Variants in EML6 observed in about 807,000 individuals in gnomAD.
EML6 encodes the protein EMAP like 6.
In EML6, 154 loss-of-function variants were observed where a neutral mutation model predicts 240.1. The observed-to-expected ratio is 0.64, with a 90% CI of 0.56 to 0.73. The LOEUF (loss-of-function observed/expected upper bound fraction) is 0.73. Ranked by LOEUF, EML6 falls within the 30% of genes least tolerant of loss-of-function variation. The pLI, the probability that EML6 is intolerant of heterozygous loss-of-function variation, is 0.00. For missense variants in EML6, 2,964 were observed against 2,474.6 expected, an observed-to-expected ratio of 1.20 and a Z score of -4.20; for synonymous variants, 1,148 against 899.0, an observed-to-expected ratio of 1.28 and a Z score of -4.95.
intron 2 of EML6, among the ~76,000 whole-genome samples, chr2:54,804,352 G>C (rs1670352232): frequency 1.3e-5 from 2 of 152,214 alleles, no homozygotes; most frequent in East Asian, 1.9e-4. Context: ...ACTAGCTCCA[G>C]AAAGCTGGAT....
Position 54,970,158 on chromosome 2 carries a change from G to A in EML6, c.*63G>A. The A allele has an allele frequency of 6.6e-7, 1 of 1,510,580 alleles. No homozygotes were observed. 93.6% of individuals were successfully genotyped at this position (1,510,580 alleles called of 1,614,324 possible). ...ACCAGCCAGCAACTGCAGAGGCCAT[G>A]CTGAGGTGCCTCCTTGCCACCAGCC... On this transcript the variant is annotated 3_prime_UTR_variant, in exon 42 of 42. Transcript: ENST00000356458.
At chr2:54,918,615 G>C (rs1270542578) in intron 26 of EML6, among the ~76,000 whole-genome samples, 1 of 152,046 alleles carries the variant, frequency 6.6e-6, no homozygotes, top group East Asian at 1.9e-4. Context: ...CCAAAGTATT[G>C]GAATTATAAT....
chr2:54,932,377 T>C (rs1674909101), intron 28 of EML6, among the ~76,000 whole-genome samples: 1 of 152,218 alleles, frequency 6.6e-6, no homozygotes, highest in Non-Finnish European at 1.5e-5. Context: ...TGGGAATCCA[T>C]GCTTTCACTC....
intron 7 of EML6, among the ~76,000 whole-genome samples, chr2:54,838,553 C>T (rs1434824023): frequency 6.6e-6 from 1 of 152,144 alleles, no homozygotes. Flanking sequence ...GTAATGAGGT[C>T]TGATTTGATA....
intron 10 of EML6, among the ~76,000 whole-genome samples, chr2:54,851,903 G>A (rs1009973408): frequency 7.2e-5 from 11 of 152,142 alleles, no homozygotes; most frequent in African/African-American, 1.9e-4. Flanking sequence ...TACTCCCATC[G>A]TAACACAGAT....
intron 2 of EML6, among the ~76,000 whole-genome samples, chr2:54,736,454 C>T (rs1276114508): frequency 6.6e-6 from 1 of 152,178 alleles, no homozygotes; most frequent in African/African-American, 2.4e-5. Flanking sequence ...TTCTGGGCCT[C>T]GGTTTCCTCA....
intron 13 of EML6, among the ~76,000 whole-genome samples, chr2:54,864,216 T>A (rs1020929061): frequency 6.6e-6 from 1 of 152,238 alleles, no homozygotes; most frequent in East Asian, 1.9e-4. Context: ...TTTTTCACTT[T>A]CTTAGCAGAT....
At chr2:54,843,359 G>T (rs186265982) in intron 7 of EML6, among the ~76,000 whole-genome samples, 61 of 152,238 alleles carry the variant, frequency 4.0e-4, no homozygotes, top group Admixed American at 2.9e-3. Context: ...AGCCCCGGAA[G>T]TCGAGGCTTC....
Position 54,968,118 on chromosome 2 carries a change from G to T in EML6, c.5598-10G>T. 1 of 1,550,588 alleles carries T rather than the reference G, an allele frequency of 6.4e-7. No homozygotes were observed. Among genetic ancestry groups the T allele is most frequent in the Non-Finnish European group, 8.7e-7 (1 of 1,146,970 alleles). ...TCCTTCTATCCTAACCCCTCTTTCT[G>T]TTGGAACAGCGTCCTGGGAGATGAA... On this transcript the variant is annotated splice_polypyrimidine_tract_variant and intron_variant, in intron 39 of 41. Coordinates refer to ENST00000356458, the MANE Select transcript of EML6 (RefSeq NM_001039753.4).
At chr2:54,866,085 C>G (rs879316636) in intron 13 of EML6, among the ~76,000 whole-genome samples, 1 of 152,070 alleles carries the variant, frequency 6.6e-6, no homozygotes, top group Non-Finnish European at 1.5e-5. Flanking sequence ...TGATCAAATC[C>G]TAAACAGGGG....
In EML6 at chr2:54,964,639, C is replaced by G; in HGVS notation, c.5399C>G (p.Thr1800Ser). 1 of 1,552,404 alleles carries G rather than the reference C, an allele frequency of 6.4e-7. No individual in the cohort carries two copies. Among genetic ancestry groups the G allele is most frequent in the Non-Finnish European group, 8.7e-7 (1 of 1,147,120 alleles). ...SEHTVDFYDL[T>S]QGTNLNRIGY... ...CACACAGTTGACTTCTATGACCTCA[C>G]TCAGGGCACAAATCTGAACCGCATT... The change falls in exon 38 of 42, where the codon ACT becomes AGT. Residue 1800 changes from threonine (T) to serine (S), a missense_variant. By Grantham distance (58) the Thr-to-Ser change is moderately conservative. Transcript: ENST00000356458.
chr2:54,953,252 T>C (rs1282728038), intron 31 of EML6, among the ~76,000 whole-genome samples: 1 of 152,220 alleles, frequency 6.6e-6, no homozygotes, highest in Non-Finnish European at 1.5e-5. Context: ...TTAGCTATTG[T>C]TTTCCCTTGA....
intron 7 of EML6, among the ~76,000 whole-genome samples, chr2:54,842,746 C>A (rs1193011883): frequency 1.3e-5 from 2 of 152,148 alleles, no homozygotes; most frequent in Non-Finnish European, 2.9e-5. Context: ...TGCAAAAAAT[C>A]CAAGATACTG....
intron 24 of EML6, among the ~76,000 whole-genome samples, chr2:54,907,132 G>A (rs1157020507): frequency 6.6e-6 from 1 of 152,192 alleles, no homozygotes; most frequent in Non-Finnish European, 1.5e-5. Flanking sequence ...AAAATGTATG[G>A]AGGGAGAGAA....
chr2:54,837,115 C>T lies in EML6; in HGVS notation c.848-6932C>T, dbSNP rs1572976858. On this transcript the variant is annotated intron_variant, in intron 7 of 41. Transcript: ENST00000356458. The stretch of plus-strand genomic sequence containing the variant: ...CTCTCTTGTTCTTATTACCTTTTAA[C>T]CTCTTGCACTCAAGGCATTCCCTGG... Among the ~76,000 whole-genome samples, 5 of 152,204 alleles carry T rather than the reference C, an allele frequency of 3.3e-5. No homozygotes were observed. The South Asian group carries it at 1.0e-3, about 32-fold the overall frequency.
intron 18 of EML6, among the ~76,000 whole-genome samples, chr2:54,891,457 A>C (rs769656903): frequency 4.6e-5 from 7 of 152,150 alleles, no homozygotes; most frequent in Non-Finnish European, 1.0e-4. Context: ...CACAGGAAAT[A>C]AAATAATCAT....
At chr2:54,968,809 GCCA>G in intron 41 of EML6, 41 bp downstream of exon 41, 1 of 1,132,604 alleles carries the variant, frequency 8.8e-7, no homozygotes, top group Non-Finnish European at 1.3e-6. Context: ...CACAGGCCTG[GCCA>G]GCTCTCCCTC....
rs1233412000 is a variant in EML6, at chr2:54,903,369, A to G, written c.3278-2A>G. 3.9e-6 allele frequency: 6 copies of G among 1,550,786 alleles called. No individual in the cohort carries two copies. The highest frequency in any genetic ancestry group is 5.2e-6 in the Non-Finnish European group (6 of 1,146,748). On this transcript the variant is annotated splice_acceptor_variant, in intron 23 of 41. Transcript: ENST00000356458. LOFTEE classifies it high-confidence loss of function. ...ATGTTAACCCCACATTTTTCTTAACAGATACGGGAAAATACCTTGCCGTGG... is the reference window on the plus strand; with the variant it reads ...ATGTTAACCCCACATTTTTCTTAACGGATACGGGAAAATACCTTGCCGTGG...
chr2:54,766,255 G>A (rs1668184138), intron 2 of EML6, among the ~76,000 whole-genome samples: 1 of 152,042 alleles, frequency 6.6e-6, no homozygotes, highest in South Asian at 2.1e-4. Flanking sequence ...TAATATTTTG[G>A]CAATTGTCCC....
Sources: allele counts gnomAD v4.1 joint callset (sites outside exome capture counted in the v4.1 genomes callset), GRCh38; gene constraint gnomAD v4.1.1; transcripts MANE v1.5; gene names NCBI Gene and HGNC (gene_info 2026-07-23, HGNC 2026-07-21).